IFNLR1: variants seen among roughly 807,000 people sequenced by gnomAD.
IFNLR1 encodes CRF2-12.
Under a neutral mutation model 52.5 loss-of-function variants are expected in IFNLR1, and 28 were observed. The observed-to-expected ratio is 0.53, with a 90% CI of 0.40 to 0.73. The LOEUF is 0.73. Ranked by LOEUF, IFNLR1 falls within the 30% of genes least tolerant of loss-of-function variation. IFNLR1 has a pLI of 0.00. For synonymous variants in IFNLR1, 276 were observed against 274.9 expected (o/e 1.00, Z -0.04); for missense variants, 623 against 659.1 (o/e 0.95, Z 0.60).
In IFNLR1 at chr1:24,156,231, T is replaced by A. The variant is rs181005773; in HGVS notation, c.*899A>T. 6.6e-4 allele frequency: 101 copies of A among 152,014 alleles called. No individual in the cohort carries two copies. The highest frequency in any genetic ancestry group is 2.2e-3 in the African/African-American group (93 of 41,374). 9.4% of individuals were successfully genotyped at this position (152,014 alleles called of 1,614,324 possible). A position where few individuals can be genotyped will look rare whatever the true frequency, so the allele number is the denominator to read the frequency against. ...GGCAGTGAGGGTAGAAGGAAGGAGGTAGACTGGGGATGAGACAAGCTGAAT... is the reference window on the plus strand; with the variant it reads ...GGCAGTGAGGGTAGAAGGAAGGAGGAAGACTGGGGATGAGACAAGCTGAAT... On this transcript the variant is annotated 3_prime_UTR_variant, in exon 7 of 7. Transcript: ENST00000327535.
intron 2 of IFNLR1, 97 bp from the exon 3 acceptor site, chr1:24,169,698 G>A (rs947121774): frequency 7.5e-7 from 1 of 1,328,920 alleles, no homozygotes; most frequent in African/African-American, 1.5e-5. Flanking sequence ...TGTTTGGCTG[G>A]ACTGACTTTA....
intron 1 of IFNLR1, among the ~76,000 whole-genome samples, chr1:24,182,938 T>C (rs1644705888): frequency 6.6e-6 from 1 of 151,644 alleles, no homozygotes; most frequent in South Asian, 2.1e-4. Flanking sequence ...AATAAATAAA[T>C]AAATAAATAA....
At chr1:24,158,452 G>T (rs1220694164) in intron 6 of IFNLR1, among the ~76,000 whole-genome samples, 1 of 152,154 alleles carries the variant, frequency 6.6e-6, no homozygotes, top group African/African-American at 2.4e-5. Flanking sequence ...TGCTCCCTTT[G>T]CCACCCTGCC....
At chr1:24,177,430 A>T (rs1234121441) in intron 2 of IFNLR1, among the ~76,000 whole-genome samples, 1 of 152,214 alleles carries the variant, frequency 6.6e-6, no homozygotes, top group African/African-American at 2.4e-5. Flanking sequence ...AAGAGTCTAA[A>T]GGCCAAAAAA....
intron 3 of IFNLR1, among the ~76,000 whole-genome samples, chr1:24,164,257 T>C (rs1231132340): frequency 6.6e-6 from 1 of 152,206 alleles, no homozygotes; most frequent in Non-Finnish European, 1.5e-5. Flanking sequence ...AGCACTGCCC[T>C]TTGAGCTTCT....
chr1:24,161,024 G>T (rs537311613), intron 4 of IFNLR1, among the ~76,000 whole-genome samples: 1 of 152,198 alleles, frequency 6.6e-6, no homozygotes, highest in South Asian at 2.1e-4. Flanking sequence ...ACCGCACCTG[G>T]CCTGTAAACA....
At chr1:24,185,082 CA>C (rs1161910146) in intron 1 of IFNLR1, among the ~76,000 whole-genome samples, 1 of 152,022 alleles carries the variant, frequency 6.6e-6, no homozygotes, top group Non-Finnish European at 1.5e-5. Context: ...TTCTGTGAGC[CA>C]GGTTCTGTGC....
intron 5 of IFNLR1, 25 bp from the exon 6 acceptor site, chr1:24,159,207 G>A (rs1447439059): frequency 1.2e-6 from 2 of 1,613,438 alleles, no homozygotes; most frequent in African/African-American, 1.3e-5. Context: ...ATAACAATGA[G>A]AGAAACAACA....
intron 2 of IFNLR1, among the ~76,000 whole-genome samples, chr1:24,175,919 A>T: frequency 6.7e-6 from 1 of 149,556 alleles, no homozygotes; most frequent in Non-Finnish European, 1.5e-5. Flanking sequence ...GGGCAACAAG[A>T]GCAAAACTCT....
At chr1:24,165,404 C>T (rs1644508378) in intron 3 of IFNLR1, among the ~76,000 whole-genome samples, 1 of 152,154 alleles carries the variant, frequency 6.6e-6, no homozygotes, top group Non-Finnish European at 1.5e-5. Flanking sequence ...AGTGCGTCTA[C>T]TAACAGGCTT....
At chr1:24,175,811 G>A (rs1483902803) in intron 2 of IFNLR1, among the ~76,000 whole-genome samples, 1 of 152,042 alleles carries the variant, frequency 6.6e-6, no homozygotes, top group Non-Finnish European at 1.5e-5. Flanking sequence ...GCGCATGCCT[G>A]TAATCCCAGC....
At chr1:24,164,030 G>A (rs1176484721) in intron 3 of IFNLR1, among the ~76,000 whole-genome samples, 3 of 152,086 alleles carry the variant, frequency 2.0e-5, no homozygotes, top group Non-Finnish European at 2.9e-5. Flanking sequence ...TACAACTCTC[G>A]GGGTACAGTT....
In IFNLR1 at chr1:24,156,004, T is replaced by G. The variant is rs1291178823; in HGVS notation, c.*1126A>C. Reference sequence around the variant, plus strand: ...ACAACGGTCAACCAAGAGTCTAACGTGCCATCCAAACTGGGATTACAGGCC... The same window carrying G: ...ACAACGGTCAACCAAGAGTCTAACGGGCCATCCAAACTGGGATTACAGGCC... On this transcript the variant is annotated 3_prime_UTR_variant, in exon 7 of 7. Coordinates refer to ENST00000327535, the MANE Select transcript of IFNLR1 (RefSeq NM_170743.4). The G allele has an allele frequency of 6.6e-6, 1 of 152,188 alleles. No homozygotes were observed. Among genetic ancestry groups the G allele is most frequent in the African/African-American group, 2.4e-5 (1 of 41,426 alleles). 9.4% of individuals were successfully genotyped at this position (152,188 alleles called of 1,614,324 possible).
At position 24,154,789 on chromosome 1, in the gene IFNLR1, C is replaced by A. The variant is rs891357602; in HGVS notation, c.*2341G>T. 6.6e-6 allele frequency: 1 copy of A among 152,130 alleles called. No homozygotes were observed. Among genetic ancestry groups the A allele is most frequent in the African/African-American group, 2.4e-5 (1 of 41,422 alleles). 9.4% of individuals were successfully genotyped at this position (152,130 alleles called of 1,614,324 possible). A position where few individuals can be genotyped will look rare whatever the true frequency, so the allele number is the denominator to read the frequency against. ...GTGTGGTGGCGGGTGCCTGTAATCC[C>A]AGCTACTTGGGAGGCTGAGGCAGGA... On this transcript the variant is annotated 3_prime_UTR_variant, in exon 7 of 7. Coordinates refer to ENST00000327535, the MANE Select transcript of IFNLR1 (RefSeq NM_170743.4).
rs758894139 is a variant in IFNLR1, at chr1:24,180,858, G to T, written c.59-4C>A. On this transcript the variant is annotated splice_region_variant and splice_polypyrimidine_tract_variant and intron_variant, in intron 1 of 6. Transcript: ENST00000327535. ...GGAGGGGCCAGACGGGGCCTCCCTG[G>T]GGGAAAGAAAGGGGTCATGAAGCCT... 6.2e-7 allele frequency: 1 copy of T among 1,612,536 alleles called. No individual in the cohort carries two copies. The highest frequency in any genetic ancestry group is 1.1e-5 in the South Asian group (1 of 90,998).
chr1:24,168,847 G>A (rs1467380776), intron 3 of IFNLR1, among the ~76,000 whole-genome samples: 1 of 152,078 alleles, frequency 6.6e-6, no homozygotes, highest in Non-Finnish European at 1.5e-5. Context: ...GGGTTCAAGC[G>A]ATTCTCCTGC....
At chr1:24,167,852 G>C (rs146146614) in intron 3 of IFNLR1, among the ~76,000 whole-genome samples, 1 of 151,722 alleles carries the variant, frequency 6.6e-6, no homozygotes, top group Admixed American at 6.6e-5. Flanking sequence ...ACATCATCAC[G>C]CCCAACTAAT....
At chr1:24,165,209 C>A (rs905857768) in intron 3 of IFNLR1, among the ~76,000 whole-genome samples, 1 of 152,186 alleles carries the variant, frequency 6.6e-6, no homozygotes, top group Non-Finnish European at 1.5e-5. Flanking sequence ...CCAGGCCGTG[C>A]CTTCCACATT....
chr1:24,180,695 GT>G, intron 2 of IFNLR1, 35 bp downstream of exon 2: 3 of 515,434 alleles, frequency 5.8e-6, no homozygotes, highest in South Asian at 1.7e-5. Context: ...CACCCCCTCA[GT>G]CTTCCCATCC....
Sources: allele counts gnomAD v4.1 joint callset (sites outside exome capture counted in the v4.1 genomes callset), GRCh38; gene constraint gnomAD v4.1.1; transcripts MANE v1.5; gene names NCBI Gene and HGNC (gene_info 2026-07-23, HGNC 2026-07-21).